The following NOS1AP variants were observed in gnomAD, a reference collection of about 807,000 sequenced individuals.
NOS1AP encodes the protein carboxyl-terminal PDZ ligand of neuronal nitric oxide synthase protein.
In NOS1AP, 21 loss-of-function variants were observed where a neutral mutation model predicts 56.2. The observed-to-expected ratio is 0.37, with a 90% confidence interval of 0.26 to 0.54. The LOEUF (loss-of-function observed/expected upper bound fraction) is 0.54, where lower values mean the gene tolerates loss of function less well. NOS1AP is among the 20% of genes least tolerant of loss of function. The pLI, the probability that NOS1AP is intolerant of heterozygous loss-of-function variation, is 0.84. For synonymous variants in NOS1AP, 270 were observed against 274.6 expected, an observed-to-expected ratio of 0.98 and a Z score of 0.17; for missense variants, 522 against 657.8, an observed-to-expected ratio of 0.79 and a Z score of 2.26.
intron 2 of NOS1AP, among the ~76,000 whole-genome samples, chr1:162,246,469 G>A (rs1260565539): frequency 6.6e-6 from 1 of 152,182 alleles, no homozygotes; most frequent in Non-Finnish European, 1.5e-5. Context: ...TTAGCTTGGT[G>A]CTGGCTGTTA....
At chr1:162,221,532 G>GCACACACACACACA (rs764354269) in intron 2 of NOS1AP, among the ~76,000 whole-genome samples, 1 of 132,716 alleles carries the variant, frequency 7.5e-6, no homozygotes, top group Non-Finnish European at 1.5e-5. Flanking sequence ...ACACACACGC[G>GCACACACACACACA]CGCACACACA....
At position 162,367,152 on chromosome 1, in the gene NOS1AP, G is replaced by A. The variant is rs1413407021; in HGVS notation, c.1206G>A (p.Pro402=). The change falls in exon 10 of 10, where the codon CCG becomes CCA. Residue 402 remains proline (P), a synonymous_variant. Coordinates refer to ENST00000361897, the MANE Select transcript of NOS1AP (RefSeq NM_014697.3). The surrounding 1 kb of genome is among the most constrained non-coding windows in gnomAD (Gnocchi z 6.5). ...TTPKPEDLHS[P]PLGAGLADFA... is the part of the protein sequence containing the mutation. ...CTAAGCCAGAGGACCTGCATTCGCCGCCGCTGGGCGCGGGCTTGGCTGACT... is the reference window on the plus strand; with the variant it reads ...CTAAGCCAGAGGACCTGCATTCGCCACCGCTGGGCGCGGGCTTGGCTGACT... 4 of 1,613,756 alleles carry A rather than the reference G, an allele frequency of 2.5e-6. No individual in the cohort carries two copies. Among genetic ancestry groups the A allele is most frequent in the East Asian group, 2.2e-5 (1 of 44,872 alleles).
intron 2 of NOS1AP, among the ~76,000 whole-genome samples, chr1:162,160,459 C>G (rs1390533041): frequency 1.3e-5 from 2 of 152,322 alleles, no homozygotes; most frequent in Admixed American, 6.5e-5. Flanking sequence ...AGGAGAACAT[C>G]CAGGGACTGG....
intron 4 of NOS1AP, among the ~76,000 whole-genome samples, chr1:162,321,731 AATAT>A (rs66879950): frequency 1.2e-4 from 16 of 128,488 alleles, no homozygotes; most frequent in African/African-American, 4.1e-4. Flanking sequence ...AAAAAAAAAA[AATAT>A]ATATATATAT....
intron 2 of NOS1AP, among the ~76,000 whole-genome samples, chr1:162,174,695 A>G (rs1019678207): frequency 2.0e-5 from 3 of 152,244 alleles, no homozygotes; most frequent in Non-Finnish European, 2.9e-5. Flanking sequence ...TAATGTTAGT[A>G]TGGTACAGTT....
intron 1 of NOS1AP, among the ~76,000 whole-genome samples, chr1:162,118,627 C>T (rs769324948): frequency 6.6e-6 from 1 of 152,166 alleles, no homozygotes; most frequent in Non-Finnish European, 1.5e-5. Flanking sequence ...CATTAAAAAA[C>T]CCCAAACCAA....
intron 4 of NOS1AP, among the ~76,000 whole-genome samples, chr1:162,331,244 G>A (rs917271445): frequency 6.6e-6 from 1 of 152,162 alleles, no homozygotes; most frequent in Non-Finnish European, 1.5e-5. Context: ...AGACATGTGA[G>A]ATGTACTGAA....
At chr1:162,333,215 T>G in intron 5 of NOS1AP, 90 bp downstream of exon 5, 1 of 854,226 alleles carries the variant, frequency 1.2e-6, no homozygotes, top group Non-Finnish European at 2.0e-6. Context: ...TGAAGACAGC[T>G]GTGGTAATGC....
chr1:162,249,950 G>A (rs1395368511), intron 2 of NOS1AP, among the ~76,000 whole-genome samples: 1 of 152,168 alleles, frequency 6.6e-6, no homozygotes, highest in Non-Finnish European at 1.5e-5. Flanking sequence ...AGACTTTGTA[G>A]GTTGAAGAGA....
At chr1:162,111,590 A>G (rs1472413165) in intron 1 of NOS1AP, among the ~76,000 whole-genome samples, 1 of 152,234 alleles carries the variant, frequency 6.6e-6, no homozygotes, top group Non-Finnish European at 1.5e-5. Context: ...ATGTGTGAAA[A>G]TGATTTTGGC....
intron 6 of NOS1AP, among the ~76,000 whole-genome samples, chr1:162,351,735 C>T (rs1407338279): frequency 6.6e-6 from 1 of 152,204 alleles, no homozygotes; most frequent in Non-Finnish European, 1.5e-5. Flanking sequence ...CTATGTCTCC[C>T]CCCGACCTAC....
chr1:162,348,076 G>T (rs1657360486), intron 6 of NOS1AP, among the ~76,000 whole-genome samples: 1 of 152,304 alleles, frequency 6.6e-6, no homozygotes, highest in South Asian at 2.1e-4. Context: ...AGCGTCCTCT[G>T]TCTTTAGTGG....
At chr1:162,080,962 A>AT (rs1206486565) in intron 1 of NOS1AP, among the ~76,000 whole-genome samples, 2 of 152,172 alleles carry the variant, frequency 1.3e-5, no homozygotes. Flanking sequence ...AGGCAGAGTA[A>AT]CTTGCTCATG....
At chr1:162,348,755 G>A (rs1376935993) in intron 6 of NOS1AP, among the ~76,000 whole-genome samples, 2 of 152,198 alleles carry the variant, frequency 1.3e-5, no homozygotes, top group African/African-American at 4.8e-5. Context: ...CCCTGCTCGT[G>A]TAGGTGAGGA....
chr1:162,155,946 G>A (rs545128678), intron 2 of NOS1AP, among the ~76,000 whole-genome samples: 2 of 152,306 alleles, frequency 1.3e-5, no homozygotes, highest in South Asian at 4.1e-4. Context: ...AAACATGTAG[G>A]TGATGCTGTA....
intron 3 of NOS1AP, among the ~76,000 whole-genome samples, chr1:162,291,452 CT>C (rs755009322): frequency 6.6e-6 from 1 of 151,844 alleles, no homozygotes; most frequent in Non-Finnish European, 1.5e-5. Flanking sequence ...TCATGTTGTC[CT>C]CCCTCTTTTT....
chr1:162,363,307 A>G (rs899335056), intron 8 of NOS1AP: 1 of 152,638 alleles, frequency 6.6e-6, no homozygotes, highest in Non-Finnish European at 1.5e-5. Flanking sequence ...TTTAAAGGAT[A>G]TTATAAGGGA....
chr1:162,220,689 C>T (rs2101657097), intron 2 of NOS1AP, among the ~76,000 whole-genome samples: 1 of 152,218 alleles, frequency 6.6e-6, no homozygotes, highest in South Asian at 2.1e-4. Context: ...GCTTTAAATT[C>T]TCATACTTTG....
At chr1:162,154,904 T>C (rs1649871804) in intron 2 of NOS1AP, among the ~76,000 whole-genome samples, 1 of 152,184 alleles carries the variant, frequency 6.6e-6, no homozygotes, top group Non-Finnish European at 1.5e-5. Flanking sequence ...TCCACCCACC[T>C]CGGCCTCCCA....
Sources: gnomAD v4.1 joint callset for allele counts (sites outside exome capture counted in the v4.1 genomes callset) on GRCh38, gnomAD v4.1.1 for gene constraint, Gnocchi (gnomAD v3.1) non-coding constraint, MANE v1.5 for transcripts, NCBI Gene and HGNC (gene_info 2026-07-23, HGNC 2026-07-21) for gene names.